ZNF385D: variants seen among roughly 807,000 people sequenced by gnomAD.
The protein encoded by ZNF385D is zinc finger protein 659.
ZNF385D carries 15 observed loss-of-function variants against 35.8 expected under a neutral mutation model. The observed-to-expected ratio is 0.42, with a 90% CI of 0.28 to 0.64. The LOEUF is 0.64. Ranked by LOEUF, ZNF385D falls within the 30% of genes least tolerant of loss-of-function variation. ZNF385D has a pLI of 0.23. For synonymous variants in ZNF385D, 212 were observed against 186.8 expected, an observed-to-expected ratio of 1.13 and a Z score of -1.10; for missense variants, 474 against 494.6, an observed-to-expected ratio of 0.96 and a Z score of 0.39.
chr3:22,129,743 A>G (rs1703663272), intron 3 of ZNF385D, among the ~76,000 whole-genome samples: 1 of 152,190 alleles, frequency 6.6e-6, no homozygotes. Flanking sequence ...CTTCTGGCCC[A>G]AGGTGGGCCT....
chr3:21,508,207 A>G (rs887118283), intron 4 of ZNF385D, among the ~76,000 whole-genome samples: 1 of 152,164 alleles, frequency 6.6e-6, no homozygotes, highest in Non-Finnish European at 1.5e-5. Context: ...TCTCAACACC[A>G]TTTCCACTGT....
intron 3 of ZNF385D, chr3:21,543,051 GC>G (rs1373545460): frequency 6.6e-6 from 1 of 152,584 alleles, no homozygotes; most frequent in East Asian, 1.9e-4. Flanking sequence ...GGTGGCTGAT[GC>G]CTGTAATTCC....
chr3:22,097,394 A>G (rs1701689986), intron 3 of ZNF385D, among the ~76,000 whole-genome samples: 1 of 152,006 alleles, frequency 6.6e-6, no homozygotes, highest in East Asian at 1.9e-4. Context: ...GTGGGAGTCT[A>G]AGATTCTTAG....
rs144433609 is a variant in ZNF385D at position 22,328,707 on chromosome 3, G to C, written c.106+43743C>G. ...GAACCTGGGAGGTGGAGGTTGCAGT[G>C]AGCCAGATTGCACCACTGCACTCAA... On this transcript the variant is annotated intron_variant, in intron 2 of 5. Transcript: ENST00000494108. Among the ~76,000 whole-genome samples the C allele has an allele frequency of 3.9e-3, 591 of 151,692 alleles. 3 individuals are homozygous for C. The highest frequency in any genetic ancestry group is 0.013 in the African/African-American group (548 of 41,344).
At chr3:21,806,417 G>T (rs2072650716) in intron 3 of ZNF385D, among the ~76,000 whole-genome samples, 1 of 151,994 alleles carries the variant, frequency 6.6e-6, no homozygotes, top group South Asian at 2.1e-4. Context: ...GTGTGAGCCA[G>T]GATGGTCTCG....
Position 21,751,050 on chromosome 3 carries a change from G to C in ZNF385D, c.-134C>G. Reference sequence around the variant, plus strand: ...GCGTGGAGAGCAGTGAGCGCCGAGAGCGTGCCTCCTCCGCGGGATGAGCGC... The same window carrying C: ...GCGTGGAGAGCAGTGAGCGCCGAGACCGTGCCTCCTCCGCGGGATGAGCGC... On this transcript the variant is annotated 5_prime_UTR_variant, in exon 1 of 8. Coordinates refer to ENST00000281523, the MANE Select transcript of ZNF385D (RefSeq NM_024697.3). 2.6e-6 allele frequency: 4 copies of C among 1,551,650 alleles called. No individual in the cohort carries two copies. The highest frequency in any genetic ancestry group is 3.5e-6 in the Non-Finnish European group (4 of 1,148,780).
chr3:21,699,327 G>C (rs528638530), intron 1 of ZNF385D, among the ~76,000 whole-genome samples: 2 of 151,910 alleles, frequency 1.3e-5, no homozygotes, highest in Non-Finnish European at 2.9e-5. Flanking sequence ...ATCACACACC[G>C]GGGCCTGTCA....
At chr3:22,307,349 G>A (rs1703285787) in intron 2 of ZNF385D, among the ~76,000 whole-genome samples, 1 of 152,114 alleles carries the variant, frequency 6.6e-6, no homozygotes, top group Non-Finnish European at 1.5e-5. Flanking sequence ...AATAGTGTAA[G>A]TAATAAGAGT....
chr3:21,509,456 C>A (rs1006212551), intron 4 of ZNF385D, among the ~76,000 whole-genome samples: 2 of 152,160 alleles, frequency 1.3e-5, no homozygotes, highest in African/African-American at 2.4e-5. Context: ...AGCAGGTAGT[C>A]TTCGATTATT....
At chr3:21,509,476 A>T (rs1290615183) in intron 4 of ZNF385D, among the ~76,000 whole-genome samples, 1 of 152,198 alleles carries the variant, frequency 6.6e-6, no homozygotes, top group Admixed American at 6.5e-5. Flanking sequence ...TAGAGAAAAG[A>T]CCAAAGCTTT....
chr3:21,694,980 G>C (rs1375192236), intron 1 of ZNF385D, among the ~76,000 whole-genome samples: 1 of 152,182 alleles, frequency 6.6e-6, no homozygotes, highest in Non-Finnish European at 1.5e-5. Context: ...TCCCGGAGTT[G>C]AATTTTAGCT....
intron 1 of ZNF385D, among the ~76,000 whole-genome samples, chr3:21,715,438 T>C (rs1010672353): frequency 6.6e-6 from 1 of 152,180 alleles, no homozygotes; most frequent in Admixed American, 6.5e-5. Flanking sequence ...CCATTCCTTT[T>C]TAATGGCTGA....
intron 4 of ZNF385D, among the ~76,000 whole-genome samples, chr3:21,495,972 C>G (rs1054724595): frequency 1.3e-5 from 2 of 151,986 alleles, no homozygotes; most frequent in African/African-American, 2.4e-5. Context: ...TTCCTGGAAA[C>G]ATACAATCTT....
At chr3:21,879,196 A>AAT (rs1698140756) in intron 3 of ZNF385D, among the ~76,000 whole-genome samples, 1 of 152,028 alleles carries the variant, frequency 6.6e-6, no homozygotes, top group African/African-American at 2.4e-5. Flanking sequence ...ATGGAAAAAA[A>AAT]ATCCTGTGTT....
upstream of ZNF385D, among the ~76,000 whole-genome samples, chr3:21,753,413 T>C (rs2070191975): frequency 6.6e-6 from 1 of 152,158 alleles, no homozygotes; most frequent in Admixed American, 6.5e-5. Flanking sequence ...TGGTCACAAA[T>C]ACATCAGCAG....
At chr3:21,901,794 G>A (rs1453961049) in intron 3 of ZNF385D, among the ~76,000 whole-genome samples, 1 of 152,152 alleles carries the variant, frequency 6.6e-6, no homozygotes, top group African/African-American at 2.4e-5. Flanking sequence ...AGTTGGTACA[G>A]GAAGACCCAG....
chr3:22,116,495 T>G (rs1394435039), intron 3 of ZNF385D, among the ~76,000 whole-genome samples: 1 of 151,734 alleles, frequency 6.6e-6, no homozygotes, highest in South Asian at 2.1e-4. Flanking sequence ...ATGTACACAA[T>G]AAAATGTAGT....
intron 3 of ZNF385D, among the ~76,000 whole-genome samples, chr3:22,152,642 G>A (rs1279324126): frequency 1.3e-5 from 2 of 151,994 alleles, no homozygotes; most frequent in Non-Finnish European, 2.9e-5. Context: ...TTCTCTCTCT[G>A]ACCTTCCTAT....
At chr3:21,537,721 A>T (rs911197069) in intron 3 of ZNF385D, among the ~76,000 whole-genome samples, 2 of 152,094 alleles carry the variant, frequency 1.3e-5, no homozygotes, top group Non-Finnish European at 2.9e-5. Flanking sequence ...TGAGGTGGGC[A>T]GTGGGAGAGG....
Sources: gnomAD v4.1 joint callset for allele counts (sites outside exome capture counted in the v4.1 genomes callset) on GRCh38, gnomAD v4.1.1 for gene constraint, MANE v1.5 for transcripts, NCBI Gene and HGNC (gene_info 2026-07-23, HGNC 2026-07-21) for gene names.